FTO: variants seen among roughly 807,000 people sequenced by gnomAD.
FTO encodes FTO alpha-ketoglutarate dependent dioxygenase, also known as alpha-ketoglutarate-dependent dioxygenase FTO.
A neutral mutation model predicts 63.9 loss-of-function variants in FTO; 47 were observed. The ratio of observed to expected loss-of-function variants is 0.74; its 90% CI spans 0.58 to 0.94. The LOEUF (loss-of-function observed/expected upper bound fraction) is 0.94, where lower values mean the gene tolerates loss of function less well. Ranked by LOEUF, FTO falls within the 40% of genes least tolerant of loss-of-function variation. FTO has a pLI of 0.00. For synonymous variants in FTO, 207 were observed against 224.4 expected, an observed-to-expected ratio of 0.92 and a Z score of 0.69; for missense variants, 562 against 618.1, an observed-to-expected ratio of 0.91 and a Z score of 0.96.
chr16:53,985,502 G>T (rs1399538451), intron 8 of FTO, among the ~76,000 whole-genome samples: 1 of 152,204 alleles, frequency 6.6e-6, no homozygotes, highest in Non-Finnish European at 1.5e-5. Flanking sequence ...ATCTTTAAAT[G>T]CATGGGACCC....
chr16:53,880,937 TAAAAAAAAA>T (rs34062544), intron 6 of FTO, among the ~76,000 whole-genome samples: 1 of 67,682 alleles, frequency 1.5e-5, no homozygotes, highest in Non-Finnish European at 2.7e-5. Flanking sequence ...CCGTCTCTAC[TAAAAAAAAA>T]AAAAAAAAAA....
At chr16:53,951,909 C>T (rs573558250) in intron 8 of FTO, among the ~76,000 whole-genome samples, 2 of 151,908 alleles carry the variant, frequency 1.3e-5, no homozygotes, top group South Asian at 4.2e-4. Context: ...TGGATCACAT[C>T]ATCAAAGTTT....
At chr16:53,763,375 T>A (rs2077118606) in intron 1 of FTO, among the ~76,000 whole-genome samples, 1 of 152,252 alleles carries the variant, frequency 6.6e-6, no homozygotes, top group Non-Finnish European at 1.5e-5. Context: ...ATTTTACTCG[T>A]GGTTTATTTT....
chr16:53,791,308 G>A (rs1283231473), intron 1 of FTO, among the ~76,000 whole-genome samples: 1 of 152,170 alleles, frequency 6.6e-6, no homozygotes, highest in Non-Finnish European at 1.5e-5. Context: ...ACTTGCTCAA[G>A]GTCACACAGT....
At chr16:53,760,919 G>A (rs1470190761) in intron 1 of FTO, among the ~76,000 whole-genome samples, 3 of 151,658 alleles carry the variant, frequency 2.0e-5, no homozygotes, top group Non-Finnish European at 2.9e-5. Flanking sequence ...GAGCCACTGC[G>A]CCTCATCTGC....
chr16:54,080,726 G>A (rs1384351083), intron 8 of FTO, among the ~76,000 whole-genome samples: 1 of 152,192 alleles, frequency 6.6e-6, no homozygotes, highest in Non-Finnish European at 1.5e-5. Flanking sequence ...ACTAGAGTTT[G>A]TCGTTACTGT....
chr16:54,112,056 A>T lies in FTO; in HGVS notation c.*141A>T, dbSNP rs2086903879. ...CGGGTCCCAATCCAAAACAGCTAGG[A>T]AATGGTGCCCATGAAGTTTTAAATG... On this transcript the variant is annotated 3_prime_UTR_variant, in exon 9 of 9. Coordinates refer to ENST00000471389, the MANE Select transcript of FTO (RefSeq NM_001080432.3). 3.5e-6 allele frequency: 3 copies of T among 848,352 alleles called. No individual in the cohort carries two copies. Among genetic ancestry groups the T allele is most frequent in the Non-Finnish European group, 5.9e-6 (3 of 506,116 alleles). The allele number at this position is 848,352 out of a possible 1,614,324, so 52.6% of individuals were successfully genotyped here.
chr16:53,825,290 C>T (rs1425771100), intron 2 of FTO, among the ~76,000 whole-genome samples: 1 of 152,132 alleles, frequency 6.6e-6, no homozygotes, highest in African/African-American at 2.4e-5. Flanking sequence ...GTTAAGAACT[C>T]GTGCCCTGGA....
At chr16:53,956,026 C>T (rs2082922367) in intron 8 of FTO, among the ~76,000 whole-genome samples, 1 of 152,052 alleles carries the variant, frequency 6.6e-6, no homozygotes, top group Non-Finnish European at 1.5e-5. Context: ...TATTTTGCAC[C>T]TCCTATGTGT....
chr16:54,030,954 GTAT>G (rs1189886189), intron 8 of FTO, among the ~76,000 whole-genome samples: 8 of 152,150 alleles, frequency 5.3e-5, no homozygotes, highest in Admixed American at 1.3e-4. Context: ...AGAAACTGAA[GTAT>G]TATTCCATAA....
chr16:53,793,639 G>A (rs2077985177), intron 1 of FTO, among the ~76,000 whole-genome samples: 1 of 152,168 alleles, frequency 6.6e-6, no homozygotes, highest in South Asian at 2.1e-4. Context: ...CTCTGCTAGG[G>A]ACTAAGTACT....
chr16:53,833,886 G>T (rs62033433), intron 3 of FTO, among the ~76,000 whole-genome samples: 1 of 151,976 alleles, frequency 6.6e-6, no homozygotes, highest in Non-Finnish European at 1.5e-5. Context: ...TTGGAGACAT[G>T]TCTATTCAAG....
At chr16:54,040,028 G>A (rs2085034519) in intron 8 of FTO, 1 of 152,172 alleles carries the variant, frequency 6.6e-6, no homozygotes, top group South Asian at 2.1e-4. Context: ...TCCGAAGCTG[G>A]ATTTAGCAGA....
At chr16:53,742,268 A>T (rs2076545293) in intron 1 of FTO, among the ~76,000 whole-genome samples, 1 of 152,142 alleles carries the variant, frequency 6.6e-6, no homozygotes, top group South Asian at 2.1e-4. Context: ...ACCTTCAGGC[A>T]TTGGCCTGGC....
rs939251967 is a variant in FTO at position 53,752,099 on chromosome 16, A to G, written c.45+47870A>G. On this transcript the variant is annotated intron_variant, in intron 1 of 8. Transcript: ENST00000471389. ...TTATTTGTAGTGGCAGAACACGAGC[A>G]ATCTAAGTATCCATCAGTAGGGAAC... Among the ~76,000 whole-genome samples, 4 of 152,264 alleles carry G rather than the reference A, an allele frequency of 2.6e-5. 1 individual carries two copies. The highest frequency in any genetic ancestry group is 2.6e-4 in the Admixed American group (4 of 15,288).
chr16:53,783,404 G>A (rs1372575710), intron 1 of FTO, among the ~76,000 whole-genome samples: 1 of 151,736 alleles, frequency 6.6e-6, no homozygotes, highest in East Asian at 2.0e-4. Context: ...CGAGGAGATC[G>A]AGGCCATCCT....
intron 8 of FTO, among the ~76,000 whole-genome samples, chr16:54,078,239 A>T (rs1259015842): frequency 6.6e-6 from 1 of 151,200 alleles, no homozygotes; most frequent in African/African-American, 2.4e-5. Flanking sequence ...ACAAATACAC[A>T]TATATGTATA....
chr16:53,997,838 G>T (rs1007287455), intron 8 of FTO, among the ~76,000 whole-genome samples: 2 of 152,120 alleles, frequency 1.3e-5, no homozygotes, highest in African/African-American at 2.4e-5. Context: ...AAGGCAATGA[G>T]TATGAATCAT....
At chr16:53,986,597 G>C (rs1273459778) in intron 8 of FTO, among the ~76,000 whole-genome samples, 1 of 152,196 alleles carries the variant, frequency 6.6e-6, no homozygotes, top group Non-Finnish European at 1.5e-5. Flanking sequence ...TCTGATTTCA[G>C]CCTAGACAGG....
Sources: allele counts gnomAD v4.1 joint callset (sites outside exome capture counted in the v4.1 genomes callset), GRCh38; gene constraint gnomAD v4.1.1; transcripts MANE v1.5; gene names NCBI Gene and HGNC (gene_info 2026-07-23, HGNC 2026-07-21).